The following PDSS2 variants were observed in gnomAD, a reference collection of about 807,000 sequenced individuals.
The protein encoded by PDSS2 is decaprenyl diphosphate synthase subunit 2.
In PDSS2, 31 loss-of-function variants were observed where a neutral mutation model predicts 44.5. The observed-to-expected ratio is 0.70, with a 90% CI of 0.52 to 0.94. The LOEUF (loss-of-function observed/expected upper bound fraction) is 0.94, where lower values mean the gene tolerates loss of function less well. Ranked by LOEUF, PDSS2 falls within the 40% of genes least tolerant of loss-of-function variation. The probability of loss-of-function intolerance (pLI) is 0.00; values close to 1 mark genes in which losing one functional copy is unlikely to be tolerated. For synonymous variants in PDSS2, 157 were observed against 180.3 expected (o/e 0.87, Z 1.03); for missense variants, 452 against 482.2 (o/e 0.94, Z 0.59).
In PDSS2 at chr6:107,459,095, G is replaced by C. The variant is rs1782157711; in HGVS notation, c.191C>G (p.Thr64Arg). 1 of 1,614,126 alleles carries C rather than the reference G, an allele frequency of 6.2e-7. No homozygotes were observed. The highest frequency in any genetic ancestry group is 8.5e-7 in the Non-Finnish European group (1 of 1,180,022). ...SEAEKIVGYP[T>R]SFMSLRCLLS... Reference sequence around the variant, plus strand: ...CAGGCAGCGAAGGCTCATGAAGGACGTGGGGTACCCCACGATCTTCTCCGC... The same window carrying C: ...CAGGCAGCGAAGGCTCATGAAGGACCTGGGGTACCCCACGATCTTCTCCGC... The change falls in exon 1 of 8, where the codon ACG becomes AGG. Residue 64 changes from threonine to arginine, a missense_variant. Coordinates refer to ENST00000369037, the MANE Select transcript of PDSS2 (RefSeq NM_020381.4). The surrounding 1 kb of genome is among the most constrained non-coding windows in gnomAD (Gnocchi z 4.3).
chr6:107,321,683 T>C (rs1228957268), intron 2 of PDSS2, among the ~76,000 whole-genome samples: 2 of 152,218 alleles, frequency 1.3e-5, no homozygotes, highest in Admixed American at 1.3e-4. Context: ...CTCTTCTCTG[T>C]GCCTCTACAT....
At chr6:107,208,336 G>A (rs549179959) in intron 6 of PDSS2, among the ~76,000 whole-genome samples, 59 of 120,052 alleles carry the variant, frequency 4.9e-4, no homozygotes, top group South Asian at 3.1e-3. Flanking sequence ...TCACTGTGTC[G>A]CTCAGACTGG....
intron 1 of PDSS2, among the ~76,000 whole-genome samples, chr6:107,344,002 T>C (rs1778160217): frequency 6.6e-6 from 1 of 152,162 alleles, no homozygotes; most frequent in African/African-American, 2.4e-5. Flanking sequence ...AACAACAGAA[T>C]TCTAAGAAGA....
At chr6:107,334,459 G>C (rs911763579) in intron 1 of PDSS2, 127 bp from the exon 2 acceptor site, 1 of 818,362 alleles carries the variant, frequency 1.2e-6, no homozygotes, top group Non-Finnish European at 2.0e-6. Flanking sequence ...AAAGAAACAG[G>C]GTCAGGGAGG....
chr6:107,207,873 G>C (rs543376940), intron 6 of PDSS2, among the ~76,000 whole-genome samples: 50 of 151,014 alleles, frequency 3.3e-4, no homozygotes, highest in Admixed American at 1.3e-3. Flanking sequence ...GCTTCTCAAA[G>C]TGCTGGGATT....
At chr6:107,359,351 A>G (rs1224045396) in intron 1 of PDSS2, among the ~76,000 whole-genome samples, 1 of 151,850 alleles carries the variant, frequency 6.6e-6, no homozygotes, top group Non-Finnish European at 1.5e-5. Context: ...AGCCAGGAGC[A>G]GTGTCTCATG....
intron 1 of PDSS2, among the ~76,000 whole-genome samples, chr6:107,406,262 T>C (rs1286019745): frequency 1.3e-5 from 2 of 152,160 alleles, no homozygotes; most frequent in African/African-American, 2.4e-5. Context: ...ATAAAATGTA[T>C]TGAAATTGGT....
intron 1 of PDSS2, among the ~76,000 whole-genome samples, chr6:107,352,701 A>C (rs1398391448): frequency 6.6e-6 from 1 of 152,206 alleles, no homozygotes; most frequent in Non-Finnish European, 1.5e-5. Flanking sequence ...AGTGGTTCTT[A>C]ACTCGGGTGA....
chr6:107,327,428 T>A (rs1226802037), intron 2 of PDSS2, among the ~76,000 whole-genome samples: 1 of 152,098 alleles, frequency 6.6e-6, no homozygotes, highest in Non-Finnish European at 1.5e-5. Flanking sequence ...AAAAAGGAAT[T>A]GGTTGAAATA....
At chr6:107,253,648 A>G (rs1264010613) in intron 3 of PDSS2, among the ~76,000 whole-genome samples, 3 of 152,196 alleles carry the variant, frequency 2.0e-5, no homozygotes, top group African/African-American at 7.2e-5. Flanking sequence ...ATGTGCAGCT[A>G]TATACATTTT....
chr6:107,421,693 T>C (rs1304121507), intron 1 of PDSS2, among the ~76,000 whole-genome samples: 2 of 151,612 alleles, frequency 1.3e-5, no homozygotes, highest in Non-Finnish European at 2.9e-5. Flanking sequence ...TTCCTGGTGC[T>C]GCACTTTGTA....
chr6:107,361,981 A>C (rs182647413), intron 1 of PDSS2, among the ~76,000 whole-genome samples: 110 of 152,322 alleles, frequency 7.2e-4, no homozygotes, highest in African/African-American at 2.5e-3. Context: ...CTGCCAGAGG[A>C]GGCTCACTTG....
chr6:107,232,002 G>GCC (rs1774068036), intron 4 of PDSS2, among the ~76,000 whole-genome samples: 1 of 151,162 alleles, frequency 6.6e-6, no homozygotes, highest in South Asian at 2.1e-4. Context: ...CCCTAGTAAA[G>GCC]CCCCAGCTCC....
chr6:107,275,667 A>G (rs929963863), intron 2 of PDSS2, among the ~76,000 whole-genome samples: 4 of 152,182 alleles, frequency 2.6e-5, no homozygotes, highest in Non-Finnish European at 5.9e-5. Context: ...CTATGTAGCA[A>G]CAGATATCTG....
chr6:107,250,859 AT>A (rs1035118645), intron 3 of PDSS2, among the ~76,000 whole-genome samples: 176 of 146,718 alleles, frequency 1.2e-3, no homozygotes, highest in Non-Finnish European at 7.9e-4. Flanking sequence ...ATACAAGTAA[AT>A]TTTTTTTTTT....
chr6:107,191,226 C>T (rs151223775), intron 7 of PDSS2, among the ~76,000 whole-genome samples: 121 of 152,204 alleles, frequency 7.9e-4, no homozygotes, highest in Middle Eastern at 3.4e-3. Flanking sequence ...GAGAGAGAAA[C>T]GGTCAGATTG....
chr6:107,369,813 T>G (rs2114369663), intron 1 of PDSS2, among the ~76,000 whole-genome samples: 1 of 152,202 alleles, frequency 6.6e-6, no homozygotes, highest in South Asian at 2.1e-4. Flanking sequence ...GAGACCAGCC[T>G]GGGCACCATA....
At chr6:107,424,654 G>C (rs1354165514) in intron 1 of PDSS2, among the ~76,000 whole-genome samples, 19 of 152,018 alleles carry the variant, frequency 1.2e-4, no homozygotes, top group Admixed American at 1.2e-3. Flanking sequence ...TCTTCCTGCA[G>C]CAAAAATTAT....
intron 2 of PDSS2, among the ~76,000 whole-genome samples, chr6:107,301,450 T>A (rs1776690758): frequency 9.0e-6 from 1 of 111,166 alleles, no homozygotes; most frequent in African/African-American, 3.0e-5. Flanking sequence ...TGAAATAATT[T>A]ACAGTTCATT....
Sources: gnomAD v4.1 joint callset for allele counts (sites outside exome capture counted in the v4.1 genomes callset) on GRCh38, gnomAD v4.1.1 for gene constraint, Gnocchi (gnomAD v3.1) non-coding constraint, MANE v1.5 for transcripts, NCBI Gene and HGNC (gene_info 2026-07-23, HGNC 2026-07-21) for gene names.